Variants in GOLM2 observed in about 807,000 individuals in gnomAD.
GOLM2 encodes the protein golgi membrane protein 2, also known as protein GOLM2.
Under a neutral mutation model 55.9 loss-of-function variants are expected in GOLM2, and 26 were observed. The ratio of observed to expected loss-of-function variants is 0.47; its 90% confidence interval spans 0.34 to 0.65. GOLM2 has a LOEUF of 0.65. Among genes scored for constraint, GOLM2 ranks in the 30% least tolerant of loss-of-function variants. The pLI is 0.01. For missense variants in GOLM2, 486 were observed against 531.8 expected (o/e 0.91, Z 0.85); for synonymous variants, 165 against 194.6 (o/e 0.85, Z 1.27).
Position 44,289,029 on chromosome 15 carries a change from C to T in GOLM2, c.-1C>T, listed in dbSNP as rs1470148862. On this transcript the variant is annotated 5_prime_UTR_variant, in exon 1 of 10. Coordinates refer to ENST00000299957, the MANE Select transcript of GOLM2 (RefSeq NM_138423.4). This position sits in a 1 kb window ranked among gnomAD's most constrained non-coding sequence, Gnocchi z 4.8. Reference sequence around the variant, plus strand: ...CCTAGGGTACAGCCCGATTTGGCCCCATGGTGGGTTTCGGGGCCAACCGGC... The same window carrying T: ...CCTAGGGTACAGCCCGATTTGGCCCTATGGTGGGTTTCGGGGCCAACCGGC... 6.2e-7 allele frequency: 1 copy of T among 1,612,164 alleles called. No homozygotes were observed. The highest frequency in any genetic ancestry group is 1.1e-5 in the South Asian group (1 of 90,922).
intron 6 of GOLM2, among the ~76,000 whole-genome samples, chr15:44,361,260 G>A (rs1413651781): frequency 3.9e-5 from 6 of 151,970 alleles, no homozygotes; most frequent in Admixed American, 6.6e-5. Flanking sequence ...TTAATGAATC[G>A]AGCTGGTTTT....
chr15:44,382,128 TGTGTG>T (rs2079407379), intron 8 of GOLM2: 1 of 152,206 alleles, frequency 6.6e-6, no homozygotes, highest in African/African-American at 2.4e-5. Context: ...ACCAAAGTAT[TGTGTG>T]AAAAACATTT....
chr15:44,363,936 C>T (rs576196107), intron 6 of GOLM2, among the ~76,000 whole-genome samples: 2 of 151,810 alleles, frequency 1.3e-5, no homozygotes, highest in South Asian at 2.1e-4. Context: ...AGTAAACTAT[C>T]GCAAGAACAA....
Position 44,338,315 on chromosome 15 carries a change from CT to C in GOLM2, c.801del (p.Ala268LeufsTer2), listed in dbSNP as rs780312362. On this transcript the variant is annotated frameshift_variant and splice_region_variant, in exon 6 of 10. Transcript: ENST00000299957. LOFTEE classifies it high-confidence loss of function. ...NDLAKVDDLP[P>X]ALRKPPISVS... ...CTAGCAAAAGTTGATGATCTTCCCC[CT>C]GGTAAGTAAAAATTGTTAGAGAATT... 7 of 1,610,390 alleles carry C rather than the reference CT, an allele frequency of 4.3e-6. No homozygotes were observed. The highest frequency in any genetic ancestry group is 1.3e-5 in the African/African-American group (1 of 74,832).
At chr15:44,393,176 T>A (rs2079503074) in intron 8 of GOLM2, among the ~76,000 whole-genome samples, 1 of 152,194 alleles carries the variant, frequency 6.6e-6, no homozygotes, top group Admixed American at 6.5e-5. Flanking sequence ...GCAAAGTTAT[T>A]ACATGCAAGA....
At chr15:44,395,657 T>C (rs1412390512) in intron 8 of GOLM2, among the ~76,000 whole-genome samples, 5 of 151,748 alleles carry the variant, frequency 3.3e-5, no homozygotes, top group Admixed American at 6.6e-5. Context: ...CTGGCCAACA[T>C]GATGAAACCC....
At chr15:44,332,340 C>T (rs951501403) in intron 4 of GOLM2, among the ~76,000 whole-genome samples, 49 of 152,042 alleles carry the variant, frequency 3.2e-4, no homozygotes, top group Non-Finnish European at 1.2e-4. Flanking sequence ...GCGGCTCACT[C>T]GAGGTCAGGA....
intron 4 of GOLM2, among the ~76,000 whole-genome samples, chr15:44,332,747 C>G (rs2079030522): frequency 6.6e-6 from 1 of 152,040 alleles, no homozygotes; most frequent in African/African-American, 2.4e-5. Context: ...TCATCAGTCT[C>G]TGTTATTCTG....
At chr15:44,359,671 G>T (rs1376001493) in intron 6 of GOLM2, among the ~76,000 whole-genome samples, 1 of 152,184 alleles carries the variant, frequency 6.6e-6, no homozygotes, top group African/African-American at 2.4e-5. Flanking sequence ...GGCAAGGCAG[G>T]CCAACATTCA....
At chr15:44,396,184 G>A (rs866177783) in intron 8 of GOLM2, among the ~76,000 whole-genome samples, 21 of 152,000 alleles carry the variant, frequency 1.4e-4, no homozygotes, top group South Asian at 8.3e-4. Flanking sequence ...GCGAAACCCC[G>A]TCTCTACTAA....
intron 8 of GOLM2, among the ~76,000 whole-genome samples, chr15:44,398,657 CTTTTTTTTTTTTTTTT>C (rs994381104): frequency 9.3e-6 from 1 of 108,076 alleles, no homozygotes; most frequent in Admixed American, 9.3e-5. Context: ...ATATAGGAGC[CTTTTTTTTTTTTTTTT>C]TTTTTTTTGA....
At chr15:44,329,880 C>T (rs1225460441) in intron 3 of GOLM2, among the ~76,000 whole-genome samples, 2 of 148,136 alleles carry the variant, frequency 1.4e-5, no homozygotes, top group African/African-American at 5.0e-5. Context: ...GTAGTCTGGG[C>T]AACAGGGTGA....
intron 6 of GOLM2, among the ~76,000 whole-genome samples, chr15:44,374,059 T>G (rs1156236118): frequency 6.6e-6 from 1 of 152,052 alleles, no homozygotes; most frequent in African/African-American, 2.4e-5. Flanking sequence ...TGAGATCACG[T>G]CACTTCATTC....
chr15:44,361,903 A>T (rs2079242953), intron 6 of GOLM2, among the ~76,000 whole-genome samples: 1 of 152,112 alleles, frequency 6.6e-6, no homozygotes, highest in Non-Finnish European at 1.5e-5. Context: ...GCAAATCAAT[A>T]AATGTAATCC....
At chr15:44,303,152 T>C (rs2078811429) in intron 1 of GOLM2, among the ~76,000 whole-genome samples, 2 of 151,940 alleles carry the variant, frequency 1.3e-5, no homozygotes, top group Non-Finnish European at 2.9e-5. Flanking sequence ...AGTCTAAATC[T>C]AGTATAAATC....
chr15:44,333,816 A>C (rs919986433), intron 4 of GOLM2, among the ~76,000 whole-genome samples: 3 of 151,882 alleles, frequency 2.0e-5, no homozygotes, highest in Non-Finnish European at 4.4e-5. Context: ...TCCCAGGTTC[A>C]CACATTCTCC....
chr15:44,367,374 C>T (rs148888383), intron 6 of GOLM2, among the ~76,000 whole-genome samples: 1,648 of 152,254 alleles, frequency 0.011, 33 homozygotes, highest in African/African-American at 0.038. Flanking sequence ...AAGTGCAGGT[C>T]TTCTAGCAGT....
chr15:44,385,374 T>C (rs913123498), intron 8 of GOLM2, among the ~76,000 whole-genome samples: 1 of 127,332 alleles, frequency 7.9e-6, no homozygotes, highest in Non-Finnish European at 1.6e-5. Flanking sequence ...CTCCCTTCCT[T>C]CCTTCCCCCC....
chr15:44,356,529 GAT>G (rs1480453160), intron 6 of GOLM2, among the ~76,000 whole-genome samples: 2 of 152,136 alleles, frequency 1.3e-5, no homozygotes, highest in Non-Finnish European at 2.9e-5. Context: ...TCTACAAAAA[GAT>G]AATCTGAACA....
Sources: allele counts gnomAD v4.1 joint callset (sites outside exome capture counted in the v4.1 genomes callset), GRCh38; gene constraint gnomAD v4.1.1; non-coding constraint Gnocchi (gnomAD v3.1); transcripts MANE v1.5; gene names NCBI Gene and HGNC (gene_info 2026-07-23, HGNC 2026-07-21).